Variants in PRELID2 observed in about 807,000 individuals in gnomAD.
The protein encoded by PRELID2 is PRELI domain-containing protein 2.
Under a neutral mutation model 28.4 loss-of-function variants are expected in PRELID2, and 25 were observed. The ratio of observed to expected loss-of-function variants is 0.88; its 90% CI spans 0.64 to 1.23. The LOEUF is 1.23. Ranked by LOEUF, PRELID2 falls within the 50% of genes most tolerant of loss-of-function variation. The probability of loss-of-function intolerance (pLI) is 0.00; values close to 1 mark genes in which losing one functional copy is unlikely to be tolerated. For synonymous variants in PRELID2, 76 were observed against 71.6 expected (o/e 1.06, Z -0.31); for missense variants, 201 against 214.4 (o/e 0.94, Z 0.39).
intron 1 of PRELID2, among the ~76,000 whole-genome samples, chr5:145,674,724 G>C (rs570183947): frequency 6.6e-5 from 10 of 152,028 alleles, no homozygotes; most frequent in Non-Finnish European, 1.2e-4. Flanking sequence ...CAGGCAGATC[G>C]CTTGAGGCTA....
At chr5:145,408,404 TATA>T in the PRELID2 span, among the ~76,000 whole-genome samples, 4 of 122,548 alleles carry the variant, frequency 3.3e-5, no homozygotes, top group African/African-American at 1.0e-4. Flanking sequence ...TTTATATATA[TATA>T]TATATATATA....
At chr5:145,409,489 A>AT in the PRELID2 span, among the ~76,000 whole-genome samples, 1 of 152,188 alleles carries the variant, frequency 6.6e-6, no homozygotes, top group Non-Finnish European at 1.5e-5. Context: ...CGCCTAACAC[A>AT]TAAGGCCTCA....
chr5:145,810,564 C>T (rs1392388982), intron 4 of PRELID2, among the ~76,000 whole-genome samples: 1 of 152,162 alleles, frequency 6.6e-6, no homozygotes, highest in Non-Finnish European at 1.5e-5. Flanking sequence ...ATGCAAAACT[C>T]CAAAATGAAC....
intron 5 of PRELID2, among the ~76,000 whole-genome samples, chr5:145,777,048 T>A (rs1019643512): frequency 7.2e-5 from 11 of 152,216 alleles, no homozygotes; most frequent in Non-Finnish European, 1.5e-4. Flanking sequence ...TGGCTCTTGT[T>A]TGGAGACTGA....
chr5:145,701,951 C>T (rs1261069565), intron 1 of PRELID2, among the ~76,000 whole-genome samples: 4 of 151,546 alleles, frequency 2.6e-5, no homozygotes, highest in Non-Finnish European at 5.9e-5. Flanking sequence ...CTCGGGAGGC[C>T]AAGACAGGAG....
At chr5:145,685,881 G>C (rs1755027912) in intron 1 of PRELID2, among the ~76,000 whole-genome samples, 1 of 152,166 alleles carries the variant, frequency 6.6e-6, no homozygotes, top group Non-Finnish European at 1.5e-5. Context: ...CTGACTCTGA[G>C]TTCTGTGAGG....
At chr5:145,277,389 C>T in the PRELID2 span, among the ~76,000 whole-genome samples, 5 of 152,118 alleles carry the variant, frequency 3.3e-5, no homozygotes, top group African/African-American at 1.2e-4. Flanking sequence ...GCCTCTGAAA[C>T]TTTAGAGTGT....
chr5:145,376,422 G>A, the PRELID2 span, among the ~76,000 whole-genome samples: 1 of 152,258 alleles, frequency 6.6e-6, no homozygotes, highest in East Asian at 1.9e-4. Context: ...GAATGAGGTG[G>A]GGAGGAGTCC....
chr5:145,262,414 A>G, the PRELID2 span, among the ~76,000 whole-genome samples: 3 of 152,160 alleles, frequency 2.0e-5, no homozygotes, highest in Non-Finnish European at 4.4e-5. Flanking sequence ...ATGAAGAAAA[A>G]AAATATTTAA....
chr5:145,351,534 G>A, the PRELID2 span, among the ~76,000 whole-genome samples: 1 of 152,032 alleles, frequency 6.6e-6, no homozygotes, highest in Non-Finnish European at 1.5e-5. Flanking sequence ...GCAAATATGG[G>A]AACTATAATT....
the PRELID2 span, among the ~76,000 whole-genome samples, chr5:145,394,080 G>A: frequency 4.0e-5 from 6 of 151,858 alleles, no homozygotes; most frequent in Non-Finnish European, 7.4e-5. Flanking sequence ...CCCATTACTG[G>A]GTATATACCC....
At chr5:145,745,258 G>A (rs531567695) in intron 1 of PRELID2, among the ~76,000 whole-genome samples, 16 of 152,246 alleles carry the variant, frequency 1.1e-4, no homozygotes, top group East Asian at 9.7e-4. Flanking sequence ...AAGGAGATGC[G>A]GAGCATGGAA....
chr5:145,551,201 G>C (rs1180852534), intron 1 of PRELID2, among the ~76,000 whole-genome samples: 1 of 152,036 alleles, frequency 6.6e-6, no homozygotes, highest in African/African-American at 2.4e-5. Context: ...AGGAGTTCAA[G>C]ACCAGCCTGG....
intron 4 of PRELID2, 57 bp from the exon 5 acceptor site, chr5:145,796,604 C>G: frequency 2.9e-6 from 3 of 1,050,808 alleles, no homozygotes; most frequent in Non-Finnish European, 4.2e-6. Flanking sequence ...GATATGTAAA[C>G]GACAGACATT....
At chr5:145,628,570 C>T (rs976842478) in intron 1 of PRELID2, among the ~76,000 whole-genome samples, 1 of 152,152 alleles carries the variant, frequency 6.6e-6, no homozygotes, top group African/African-American at 2.4e-5. Context: ...GCGATCCACC[C>T]ATCTCAGCCT....
chr5:145,256,365 T>G, the PRELID2 span, among the ~76,000 whole-genome samples: 7 of 152,056 alleles, frequency 4.6e-5, no homozygotes, highest in Non-Finnish European at 8.8e-5. Flanking sequence ...GAGTCACTTC[T>G]ATGTCTGTTT....
the PRELID2 span, among the ~76,000 whole-genome samples, chr5:145,442,524 A>G: frequency 3.9e-5 from 6 of 152,190 alleles, no homozygotes; most frequent in Non-Finnish European, 7.4e-5. Flanking sequence ...AGCTGGGTCA[A>G]GGGGTGTCAC....
chr5:145,373,723 T>C, the PRELID2 span, among the ~76,000 whole-genome samples: 1 of 62,994 alleles, frequency 1.6e-5, no homozygotes, highest in African/African-American at 6.6e-5. Flanking sequence ...ATATATATGA[T>C]ATTATATATT....
chr5:145,315,466 C>T, the PRELID2 span, among the ~76,000 whole-genome samples: 1 of 151,822 alleles, frequency 6.6e-6, no homozygotes, highest in East Asian at 1.9e-4. Flanking sequence ...GAATTATGAA[C>T]ATTTTAGTTT....
Sources: gnomAD v4.1 joint callset for allele counts (sites outside exome capture counted in the v4.1 genomes callset) on GRCh38, gnomAD v4.1.1 for gene constraint, MANE v1.5 for transcripts, NCBI Gene and HGNC (gene_info 2026-07-23, HGNC 2026-07-21) for gene names.